Variants in PDE6B observed in about 807,000 individuals in gnomAD.
PDE6B encodes phosphodiesterase 6B.
Under a neutral mutation model 109.0 loss-of-function variants are expected in PDE6B, and 106 were observed. The observed-to-expected ratio is 0.97, with a 90% CI of 0.83 to 1.14. PDE6B has a LOEUF of 1.14. PDE6B is among the 50% of genes most tolerant of loss of function. The pLI is 0.00. For synonymous variants in PDE6B, 490 were observed against 471.3 expected (o/e 1.04, Z -0.51); for missense variants, 1,193 against 1,155.6 (o/e 1.03, Z -0.47).
In PDE6B at chr4:646,319, C is replaced by G. The variant is rs113845396; in HGVS notation, c.712-7533C>G. Among the ~76,000 whole-genome samples, 382 of 152,088 alleles carry G rather than the reference C, an allele frequency of 2.5e-3. 6 individuals are homozygous for G. The highest frequency in any genetic ancestry group is 8.7e-3 in the African/African-American group (360 of 41,386). ...TACTTCACTCTCCTCTTGCTCGCAT[C>G]GTTTCTGATGAGATGTTTCCAACGT... is the stretch of plus-strand genomic sequence containing the variant. On this transcript the variant is annotated intron_variant, in intron 3 of 21. Transcript: ENST00000496514.
At chr4:638,191 A>T (rs1734785208) in intron 3 of PDE6B, among the ~76,000 whole-genome samples, 1 of 152,192 alleles carries the variant, frequency 6.6e-6, no homozygotes, top group East Asian at 1.9e-4. Context: ...CTAATGACAG[A>T]TGATGTCGCA....
At chr4:651,759 T>TATGGGGAGCCGTCTCCATTCAGCAGGC (rs1735580169) in intron 3 of PDE6B, 4 of 150,116 alleles carry the variant, frequency 2.7e-5, no homozygotes, top group East Asian at 1.9e-4. Context: ...ATTCAGCAGG[T>TATGGGGAGCCGTCTCCATTCAGCAGGC]GCCGGGGCTG....
At position 662,003 on chromosome 4, in the gene PDE6B, G is replaced by A. The variant is rs1560131885; in HGVS notation, c.1615-131G>A. ...GGGAAACGCAGGGATGGGGAAGATCGGGAAGTCCAGGAGACGGTGTGGGGA... is the reference window on the plus strand; with the variant it reads ...GGGAAACGCAGGGATGGGGAAGATCAGGAAGTCCAGGAGACGGTGTGGGGA... On this transcript the variant is annotated intron_variant, in intron 12 of 21. Coordinates refer to ENST00000496514, the MANE Select transcript of PDE6B (RefSeq NM_000283.4). The surrounding 1 kb of genome is among the most constrained non-coding windows in gnomAD (Gnocchi z 4.3). 4.4e-6 allele frequency: 3 copies of A among 689,490 alleles called. No individual in the cohort carries two copies. The highest frequency in any genetic ancestry group is 8.0e-6 in the Non-Finnish European group (3 of 376,048). 42.7% of individuals were successfully genotyped at this position (689,490 alleles called of 1,614,324 possible).
chr4:668,580 ACTACCCCATGCTATTCCCG>A (rs1381140501), intron 21 of PDE6B, among the ~76,000 whole-genome samples: 4 of 60,352 alleles, frequency 6.6e-5, no homozygotes, highest in African/African-American at 2.8e-4. Context: ...TGCTAGTACC[ACTACCCCATGCTATTCCCG>A]CTACCCCATG....
At chr4:637,729 C>G (rs1734759801) in intron 3 of PDE6B, among the ~76,000 whole-genome samples, 3 of 152,260 alleles carry the variant, frequency 2.0e-5, no homozygotes, top group African/African-American at 7.2e-5. Context: ...CTCTGCCAGC[C>G]CTCGCTCGTC....
Position 663,064 on chromosome 4 carries a change from G to T in PDE6B, c.1833-36G>T, listed in dbSNP as rs756007724. 9 of 1,245,312 alleles carry T rather than the reference G, an allele frequency of 7.2e-6. No homozygotes were observed. In the South Asian group the frequency reaches 9.5e-5, roughly 13 times the overall value. The allele number at this position is 1,245,312 out of a possible 1,614,324, so 77.1% of individuals were successfully genotyped here. The stretch of plus-strand genomic sequence containing the variant: ...AGAGCGCAGGGTGGGCCAAGGGCAG[G>T]TCCCACGGGCCTCACCTCCACCACC... On this transcript the variant is annotated intron_variant, in intron 14 of 21. Coordinates refer to ENST00000496514, the MANE Select transcript of PDE6B (RefSeq NM_000283.4). The surrounding 1 kb of genome is among the most constrained non-coding windows in gnomAD (Gnocchi z 4.0).
In PDE6B at chr4:665,629, G is replaced by A. The variant is rs959899847; in HGVS notation, c.2268+300G>A. On this transcript the variant is annotated intron_variant, in intron 19 of 21. Transcript: ENST00000496514. This position sits in a 1 kb window ranked among gnomAD's most constrained non-coding sequence, Gnocchi z 4.0. ...TCTGCAGGTGAACCCCAGCAGGGCC[G>A]CGAGCCATGCACCAAGAAAGCCCTG... 6.6e-6 allele frequency among the ~76,000 whole-genome samples: 1 copy of A among 152,178 alleles called. No homozygotes were observed. Among genetic ancestry groups the A allele is most frequent in the Non-Finnish European group, 1.5e-5 (1 of 68,024 alleles).
rs1235880330 is a variant in PDE6B at position 648,714 on chromosome 4, G to A, written c.712-5138G>A. ...CTCAGGTTTCTCTCTGACCTGTCAC[G>A]GCAGCTGCCTGTTCGGCTTAGTGGA... On this transcript the variant is annotated intron_variant, in intron 3 of 21. Coordinates refer to ENST00000496514, the MANE Select transcript of PDE6B (RefSeq NM_000283.4). The surrounding 1 kb of genome is among the most constrained non-coding windows in gnomAD (Gnocchi z 4.5). Among the ~76,000 whole-genome samples the A allele has an allele frequency of 6.6e-6, 1 of 152,244 alleles. No homozygotes were observed. The highest frequency in any genetic ancestry group is 2.4e-5 in the African/African-American group (1 of 41,458).
chr4:662,174 G>A lies in PDE6B; in HGVS notation c.1655G>A (p.Arg552Gln), dbSNP rs751859807. 16 of 1,579,712 alleles carry A rather than the reference G, an allele frequency of 1.0e-5. No homozygotes were observed. Among genetic ancestry groups the A allele is most frequent in the East Asian group, 4.6e-5 (2 of 43,118 alleles). ...RFLFSISKGY[R>Q]RITYHNWRHG... is the part of the protein sequence containing the mutation. ...CTGTTCTCCATCAGCAAAGGGTACCGGAGAATCACCTACCACAACTGGCGC... is the reference window on the plus strand; with the variant it reads ...CTGTTCTCCATCAGCAAAGGGTACCAGAGAATCACCTACCACAACTGGCGC... The change falls in exon 13 of 22, where the codon CGG (arginine) becomes CAG (glutamine). Residue 552 changes from arginine (R) to glutamine (Q), a missense_variant. Arg to Gln is a conservative substitution (Grantham distance 43). Coordinates refer to ENST00000496514, the MANE Select transcript of PDE6B (RefSeq NM_000283.4). This position sits in a 1 kb window ranked among gnomAD's most constrained non-coding sequence, Gnocchi z 4.3.
chr4:660,708 G>A (rs1233493794), intron 12 of PDE6B, 95 bp downstream of exon 12: 12 of 1,085,026 alleles, frequency 1.1e-5, no homozygotes, highest in Middle Eastern at 2.7e-4. Flanking sequence ...CCCAGAAGGT[G>A]AGGGGGATGG....
chr4:647,630 C>T (rs1216359652), intron 3 of PDE6B, among the ~76,000 whole-genome samples: 1 of 152,024 alleles, frequency 6.6e-6, no homozygotes, highest in Non-Finnish European at 1.5e-5. Flanking sequence ...GGGCCCCAGG[C>T]TCGTGACCTC....
At position 663,671 on chromosome 4, in the gene PDE6B, CGT is replaced by C. The variant is rs1737406851; in HGVS notation, c.1921-97_1921-96del. 1.2e-6 allele frequency: 1 copy of C among 837,564 alleles called. No homozygotes were observed. The highest frequency in any genetic ancestry group is 2.0e-6 in the Non-Finnish European group (1 of 491,662). The allele number at this position is 837,564 out of a possible 1,614,324, so 51.9% of individuals were successfully genotyped here. A position where few individuals can be genotyped will look rare whatever the true frequency, so the allele number is the denominator to read the frequency against. ...CCCACCGAGGGCCCGAGGGCGGGGG[CGT>C]GAGAGGCACAGGCAGCCGAGGCGGA... On this transcript the variant is annotated intron_variant, in intron 15 of 21. Transcript: ENST00000496514. This position sits in a 1 kb window ranked among gnomAD's most constrained non-coding sequence, Gnocchi z 4.0.
rs201541131 is a variant in PDE6B at position 662,197 on chromosome 4, C to T, written c.1678C>T (p.Arg560Cys). 1.3e-5 allele frequency: 21 copies of T among 1,579,726 alleles called. No individual in the cohort carries two copies. The highest frequency in any genetic ancestry group is 4.0e-5 in the African/African-American group (3 of 74,294). ...GYRRITYHNW[R>C]HGFNVAQTMF... The stretch of plus-strand genomic sequence containing the variant: ...CCGGAGAATCACCTACCACAACTGG[C>T]GCCACGGCTTCAACGTGGCCCAGAC... Residue 560 changes from arginine (R) to cysteine (C), a missense_variant, in exon 13 of 22, where the codon CGC (arginine) becomes TGC (cysteine). By Grantham distance (180) the Arg-to-Cys change is radical. Coordinates refer to ENST00000496514, the MANE Select transcript of PDE6B (RefSeq NM_000283.4). This position sits in a 1 kb window ranked among gnomAD's most constrained non-coding sequence, Gnocchi z 4.3.
At chr4:628,043 G>A (rs1474590174) in intron 1 of PDE6B, among the ~76,000 whole-genome samples, 1 of 152,180 alleles carries the variant, frequency 6.6e-6, no homozygotes, top group African/African-American at 2.4e-5. Flanking sequence ...CCTGCCCAGT[G>A]TAGCTGGTGC....
At chr4:646,618 T>TGCTCCGCTC (rs1313640242) in intron 3 of PDE6B, among the ~76,000 whole-genome samples, 5 of 152,080 alleles carry the variant, frequency 3.3e-5, no homozygotes, top group South Asian at 4.1e-4. Flanking sequence ...TTTGTCTCTC[T>TGCTCCGCTC]GCTCCGCTCG....
At chr4:656,840 G>A in intron 8 of PDE6B, 34 bp from the exon 9 acceptor site, 1 of 1,610,942 alleles carries the variant, frequency 6.2e-7, no homozygotes, top group Non-Finnish European at 8.5e-7. Context: ...GCCAGCCTCA[G>A]GGCGGAGCTC....
In PDE6B at chr4:662,613, G is replaced by C. The variant is rs748138553; in HGVS notation, c.1827G>C (p.Gln609His). The change falls in exon 14 of 22, where the codon CAG becomes CAC. Residue 609 changes from glutamine (Q) to histidine (H), a missense_variant. Transcript: ENST00000496514. This position sits in a 1 kb window ranked among gnomAD's most constrained non-coding sequence, Gnocchi z 4.3. ...IDHRGTNNLY[Q>H]MKSQNPLAKL... is the part of the protein sequence containing the mutation. ...ACCGCGGCACCAACAACCTGTACCA[G>C]ATGAAGTAGGCACCTCAGGGCGGGC... 1 of 1,589,730 alleles carries C rather than the reference G, an allele frequency of 6.3e-7. No individual in the cohort carries two copies. The highest frequency in any genetic ancestry group is 1.3e-5 in the African/African-American group (1 of 74,464).
chr4:649,573 C>T (rs534445936), intron 3 of PDE6B, among the ~76,000 whole-genome samples: 1 of 152,052 alleles, frequency 6.6e-6, no homozygotes, highest in African/African-American at 2.4e-5. Flanking sequence ...TTATGCTGAC[C>T]ACAGCCTGGG....
rs769328879 is a variant in PDE6B at position 634,786 on chromosome 4, T to C, written c.578T>C (p.Val193Ala). ...GACGTCGTGGCGGTGATCATGGCAG[T>C]GAACAAGCTCAACGGCCCATTCTTC... ...GKDVVAVIMA[V>A]NKLNGPFFTS... Residue 193 changes from valine (V) to alanine (A), a missense_variant, in exon 2 of 22, where the codon GTG becomes GCG. Physicochemically the swap from Val to Ala is moderately conservative, Grantham distance 64. Coordinates refer to ENST00000496514, the MANE Select transcript of PDE6B (RefSeq NM_000283.4). The C allele has an allele frequency of 8.1e-6, 13 of 1,613,798 alleles. No individual in the cohort carries two copies. The highest frequency in any genetic ancestry group is 4.0e-5 in the African/African-American group (3 of 74,882).
Sources: gnomAD v4.1 joint callset for allele counts (sites outside exome capture counted in the v4.1 genomes callset) on GRCh38, gnomAD v4.1.1 for gene constraint, Gnocchi (gnomAD v3.1) non-coding constraint, MANE v1.5 for transcripts, NCBI Gene and HGNC (gene_info 2026-07-23, HGNC 2026-07-21) for gene names.